Variants in CFAP263 observed in about 807,000 individuals in gnomAD.
The protein encoded by CFAP263 is cilia- and flagella-associated protein 263.
At chr16:58,261,814 C>A in the CFAP263 span, among the ~76,000 whole-genome samples, 2 of 152,152 alleles carry the variant, frequency 1.3e-5, no homozygotes, top group African/African-American at 4.8e-5. Flanking sequence ...ATGGCATAGA[C>A]CTGGCAGGGC....
the CFAP263 span, among the ~76,000 whole-genome samples, chr16:58,267,307 C>T: frequency 6.6e-6 from 1 of 152,126 alleles, no homozygotes; most frequent in Non-Finnish European, 1.5e-5. Context: ...TCCTCTCCTC[C>T]CCCACCAGTT....
chr16:58,255,100 A>G, the CFAP263 span, among the ~76,000 whole-genome samples: 1 of 152,322 alleles, frequency 6.6e-6, no homozygotes, highest in East Asian at 1.9e-4. Flanking sequence ...AGAAGCCGGT[A>G]GTGGCTCAGT....
At chr16:58,279,972 C>G in the CFAP263 span, 99 of 619,316 alleles carry the variant, frequency 1.6e-4, no homozygotes, top group African/African-American at 1.7e-3. Flanking sequence ...ACTGTTACCA[C>G]TGAAAGAACC....
the CFAP263 span, among the ~76,000 whole-genome samples, chr16:58,263,938 C>T: frequency 6.6e-6 from 1 of 152,206 alleles, no homozygotes; most frequent in African/African-American, 2.4e-5. Flanking sequence ...TGAGATCATG[C>T]CATTGCACTC....
At chr16:58,282,812 G>A in the CFAP263 span, 2 of 152,382 alleles carry the variant, frequency 1.3e-5, no homozygotes, top group East Asian at 3.9e-4. Context: ...CTTAACTGTA[G>A]TGGTATAGCC....
At chr16:58,267,953 G>T in the CFAP263 span, among the ~76,000 whole-genome samples, 1 of 151,858 alleles carries the variant, frequency 6.6e-6, no homozygotes, top group Non-Finnish European at 1.5e-5. Flanking sequence ...AGGAAAAAAA[G>T]TGCATATGCC....
At chr16:58,264,961 T>C in the CFAP263 span, among the ~76,000 whole-genome samples, 1 of 152,190 alleles carries the variant, frequency 6.6e-6, no homozygotes, top group Admixed American at 6.5e-5. Context: ...AGAAATGGGC[T>C]CTTCTCTTCT....
chr16:58,250,264 A>G, the CFAP263 span: 1 of 552,858 alleles, frequency 1.8e-6, no homozygotes, highest in Non-Finnish European at 3.2e-6. Flanking sequence ...CTCCACCACC[A>G]CTGAGCCAAC....
the CFAP263 span, among the ~76,000 whole-genome samples, chr16:58,251,795 C>G: frequency 2.6e-5 from 2 of 77,450 alleles, no homozygotes; most frequent in Non-Finnish European, 5.1e-5. Context: ...ATGAAAACAT[C>G]AAAGCTGTTC....
the CFAP263 span, among the ~76,000 whole-genome samples, chr16:58,257,014 CTTTTTTT>C: frequency 4.8e-5 from 2 of 41,920 alleles, no homozygotes; most frequent in African/African-American, 2.4e-4. Context: ...ATATGAATTT[CTTTTTTT>C]TTTTTTTTTT....
At chr16:58,277,711 G>A in the CFAP263 span, among the ~76,000 whole-genome samples, 2 of 152,164 alleles carry the variant, frequency 1.3e-5, no homozygotes, top group East Asian at 3.8e-4. Context: ...ATAAAATGTG[G>A]TATATTCATA....
At chr16:58,255,169 GAA>G in the CFAP263 span, among the ~76,000 whole-genome samples, 1 of 152,198 alleles carries the variant, frequency 6.6e-6, no homozygotes, top group Non-Finnish European at 1.5e-5. Flanking sequence ...GTCCGTGGCC[GAA>G]GGCCCTAGAG....
At chr16:58,250,593 C>T in the CFAP263 span, among the ~76,000 whole-genome samples, 1 of 151,978 alleles carries the variant, frequency 6.6e-6, no homozygotes, top group Non-Finnish European at 1.5e-5. Context: ...GGTGAAACCC[C>T]GTATCTACTA....
At chr16:58,266,862 G>T in the CFAP263 span, among the ~76,000 whole-genome samples, 2 of 152,172 alleles carry the variant, frequency 1.3e-5, no homozygotes, top group Non-Finnish European at 2.9e-5. Context: ...AAAACTAGCA[G>T]GTCCGGCCTC....
the CFAP263 span, chr16:58,279,634 C>A: frequency 7.1e-7 from 1 of 1,414,544 alleles, no homozygotes; most frequent in Non-Finnish European, 9.5e-7. Flanking sequence ...CCCCAAGTGA[C>A]TTTCTCCCCC....
the CFAP263 span, chr16:58,280,654 A>G: frequency 6.2e-7 from 1 of 1,614,192 alleles, no homozygotes; most frequent in South Asian, 1.1e-5. Flanking sequence ...CTTGGTGTAC[A>G]GAAACAGGCC....
At chr16:58,278,560 T>C in the CFAP263 span, 1 of 1,614,122 alleles carries the variant, frequency 6.2e-7, no homozygotes, top group Non-Finnish European at 8.5e-7. Flanking sequence ...GGTGATGACT[T>C]ACGTCCGGGA....
chr16:58,250,401 C>T, the CFAP263 span: 1 of 324,060 alleles, frequency 3.1e-6, no homozygotes, highest in Non-Finnish European at 5.7e-6. Context: ...AGACGGTGTG[C>T]TTAGCCGATC....
At chr16:58,279,546 A>T in the CFAP263 span, 353 of 637,456 alleles carry the variant, frequency 5.5e-4, 6 homozygotes, top group South Asian at 6.8e-3. Flanking sequence ...CATGGAGGAC[A>T]CGCTGCCCCA....
Sources: allele counts gnomAD v4.1 joint callset (sites outside exome capture counted in the v4.1 genomes callset), GRCh38; gene constraint gnomAD v4.1.1; transcripts MANE v1.5; gene names NCBI Gene and HGNC (gene_info 2026-07-23, HGNC 2026-07-21).